Variants in CDH4 observed in about 807,000 individuals in gnomAD.
The protein encoded by CDH4 is cadherin 4.
In CDH4, 33 loss-of-function variants were observed where a neutral mutation model predicts 86.0. The ratio of observed to expected loss-of-function variants is 0.38; its 90% confidence interval spans 0.29 to 0.51. The LOEUF (loss-of-function observed/expected upper bound fraction) is 0.51. CDH4 is among the 20% of genes least tolerant of loss of function. The pLI, the probability that CDH4 is intolerant of heterozygous loss-of-function variation, is 0.86. For synonymous variants in CDH4, 555 were observed against 549.4 expected, an observed-to-expected ratio of 1.01 and a Z score of -0.14; for missense variants, 1,114 against 1,307.4, an observed-to-expected ratio of 0.85 and a Z score of 2.28.
intron 2 of CDH4, among the ~76,000 whole-genome samples, chr20:61,696,862 C>G (rs1052694851): frequency 1.3e-5 from 2 of 152,222 alleles, no homozygotes; most frequent in African/African-American, 4.8e-5. Flanking sequence ...CCTGGGTGAT[C>G]TAGGCGCACC....
intron 2 of CDH4, among the ~76,000 whole-genome samples, chr20:61,640,294 C>T (rs372001041): frequency 7.2e-5 from 11 of 152,276 alleles, no homozygotes; most frequent in Admixed American, 3.9e-4. Flanking sequence ...TCACGTGCCT[C>T]GGCGGCCTGG....
chr20:61,523,929 C>T (rs898794342), intron 2 of CDH4, among the ~76,000 whole-genome samples: 9 of 152,180 alleles, frequency 5.9e-5, no homozygotes, highest in African/African-American at 2.2e-4. Flanking sequence ...GGACAACACC[C>T]GCCACTTTGC....
At position 61,501,609 on chromosome 20, in the gene CDH4, C is replaced by T. The variant is rs1408602820; in HGVS notation, c.170-241954C>T. On this transcript the variant is annotated intron_variant, in intron 2 of 15. Coordinates refer to ENST00000614565, the MANE Select transcript of CDH4 (RefSeq NM_001794.5). The surrounding 1 kb of genome is among the most constrained non-coding windows in gnomAD (Gnocchi z 4.2). ...GCCCGGAGACGCTGACTCCAGTTGC[C>T]TAACAGAGCTGTGGTGAGACTCAAA... Among the ~76,000 whole-genome samples, 1 of 152,110 alleles carries T rather than the reference C, an allele frequency of 6.6e-6. No homozygotes were observed. The highest frequency in any genetic ancestry group is 1.9e-4 in the East Asian group (1 of 5,184).
intron 2 of CDH4, among the ~76,000 whole-genome samples, chr20:61,654,823 CTG>C (rs1175497942): frequency 6.6e-6 from 1 of 152,270 alleles, no homozygotes; most frequent in Non-Finnish European, 1.5e-5. Context: ...CCAGCACAGA[CTG>C]GGGGCCACGC....
intron 2 of CDH4, among the ~76,000 whole-genome samples, chr20:61,281,472 A>G (rs1311317600): frequency 6.6e-6 from 1 of 152,222 alleles, no homozygotes; most frequent in African/African-American, 2.4e-5. Flanking sequence ...TTGGACTGCT[A>G]GCCTCCAGAG....
intron 2 of CDH4, among the ~76,000 whole-genome samples, chr20:61,439,204 C>A (rs1224264496): frequency 1.5e-5 from 2 of 133,702 alleles, no homozygotes; most frequent in Non-Finnish European, 3.4e-5. Flanking sequence ...GTCTTAAAAG[C>A]GAGAGCCCAA....
chr20:61,583,133 GGGGACAGAGGGCTCTGCGGA>G (rs796872755), intron 2 of CDH4, among the ~76,000 whole-genome samples: 9,906 of 78,750 alleles, frequency 0.13, 1,891 homozygotes, highest in Non-Finnish European at 0.17. Flanking sequence ...GGCTCTGCGG[GGGGACAGAGGGCTCTGCGGA>G]GGGACAGAGG....
intron 2 of CDH4, among the ~76,000 whole-genome samples, chr20:61,565,221 T>TGGTGGTGGTGGTGCTCTTGGTGATGGGG (rs1414076004): frequency 2.5e-5 from 1 of 40,548 alleles, no homozygotes; most frequent in South Asian, 8.6e-4. Context: ...CTCTCGGTGG[T>TGGTGGTGGTGGTGCTCTTGGTGATGGGG]AGGTGGTGGT....
intron 7 of CDH4, among the ~76,000 whole-genome samples, chr20:61,889,293 CATGGATGGATGGATGGATGGATGG>C (rs59254816): frequency 7.1e-6 from 1 of 141,738 alleles, no homozygotes; most frequent in Non-Finnish European, 1.5e-5. Flanking sequence ...CTCTTTAAAG[CATGGATGGATGGATGGATGGATGG>C]ATGGATGGAT....
intron 3 of CDH4, among the ~76,000 whole-genome samples, chr20:61,752,661 G>A (rs1037236215): frequency 6.6e-6 from 1 of 152,184 alleles, no homozygotes; most frequent in Non-Finnish European, 1.5e-5. Flanking sequence ...AATTGCAGTG[G>A]GCTCCTAAAG....
intron 3 of CDH4, among the ~76,000 whole-genome samples, chr20:61,752,705 T>C (rs557257855): frequency 1.3e-5 from 2 of 152,296 alleles, no homozygotes; most frequent in East Asian, 3.9e-4. Flanking sequence ...GTGAACAAAC[T>C]GCAGCTAGAA....
At chr20:61,383,348 AATATATATGG>A in intron 2 of CDH4, among the ~76,000 whole-genome samples, 1 of 48,654 alleles carries the variant, frequency 2.1e-5, no homozygotes, top group African/African-American at 8.1e-5. Context: ...GATATATATG[AATATATATGG>A]ATATATATGA....
intron 2 of CDH4, among the ~76,000 whole-genome samples, chr20:61,314,683 T>G (rs2123229467): frequency 6.6e-6 from 1 of 152,334 alleles, no homozygotes; most frequent in Non-Finnish European, 1.5e-5. Context: ...TTTAATGTTC[T>G]GAGGAACCTC....
intron 2 of CDH4, among the ~76,000 whole-genome samples, chr20:61,706,645 G>T (rs538789695): frequency 6.6e-6 from 1 of 152,104 alleles, no homozygotes; most frequent in East Asian, 1.9e-4. Context: ...CAAAGGGATC[G>T]GTTTCTCCCG....
chr20:61,489,604 T>C (rs2085614871), intron 2 of CDH4, among the ~76,000 whole-genome samples: 1 of 152,256 alleles, frequency 6.6e-6, no homozygotes, highest in Non-Finnish European at 1.5e-5. Context: ...CAGTCGAGGA[T>C]GAGTTGAACC....
chr20:61,565,183 G>T lies in CDH4; in HGVS notation c.170-178380G>T, dbSNP rs2748149. Among the ~76,000 whole-genome samples, 76 of 100,472 alleles carry T rather than the reference G, an allele frequency of 7.6e-4. 15 individuals are homozygous for T. The highest frequency in any genetic ancestry group is 2.0e-3 in the African/African-American group (54 of 26,854). 65.9% of individuals were successfully genotyped at this position (100,472 alleles called of 152,430 possible). A position where few individuals can be genotyped will look rare whatever the true frequency, so the allele number is the denominator to read the frequency against. ...CTCTTGGTGATGGGGTGGTGGTGGT[G>T]GTGGTCCTCTTGGTGGTGGTCGCGG... is the stretch of plus-strand genomic sequence containing the variant. On this transcript the variant is annotated intron_variant, in intron 2 of 15. Coordinates refer to ENST00000614565, the MANE Select transcript of CDH4 (RefSeq NM_001794.5).
chr20:61,291,537 T>C (rs1187218379), intron 2 of CDH4, among the ~76,000 whole-genome samples: 2 of 152,176 alleles, frequency 1.3e-5, no homozygotes, highest in Non-Finnish European at 2.9e-5. Flanking sequence ...GCCTCCTTCA[T>C]GTAGGGTGAA....
At chr20:61,616,834 C>A (rs1341163360) in intron 2 of CDH4, among the ~76,000 whole-genome samples, 1 of 152,234 alleles carries the variant, frequency 6.6e-6, no homozygotes, top group Admixed American at 6.5e-5. Context: ...CGCACCACTG[C>A]CCTGGCCTTG....
chr20:61,920,902 T>C (rs571123647), intron 9 of CDH4, among the ~76,000 whole-genome samples: 1 of 149,088 alleles, frequency 6.7e-6, no homozygotes, highest in African/African-American at 2.5e-5. Flanking sequence ...GGTGATTGCA[T>C]GGAAGCGTGG....
Sources: allele counts gnomAD v4.1 joint callset (sites outside exome capture counted in the v4.1 genomes callset), GRCh38; gene constraint gnomAD v4.1.1; non-coding constraint Gnocchi (gnomAD v3.1); transcripts MANE v1.5; gene names NCBI Gene and HGNC (gene_info 2026-07-23, HGNC 2026-07-21).